Variants in ZBTB7B observed in about 807,000 individuals in gnomAD.
ZBTB7B encodes zinc finger and BTB domain containing 7B.
In ZBTB7B, 8 loss-of-function variants were observed where a neutral mutation model predicts 31.0. The ratio of observed to expected loss-of-function variants is 0.26; its 90% confidence interval spans 0.15 to 0.47. The LOEUF (loss-of-function observed/expected upper bound fraction) is 0.47, where lower values mean the gene tolerates loss of function less well. Ranked by LOEUF, ZBTB7B falls within the 20% of genes least tolerant of loss-of-function variation. The pLI is 0.99. For synonymous variants in ZBTB7B, 261 were observed against 307.3 expected (o/e 0.85, Z 1.58); for missense variants, 494 against 742.4 (o/e 0.67, Z 3.89).
At chr1:155,007,736 G>A (rs1021801910) in intron 1 of ZBTB7B, among the ~76,000 whole-genome samples, 13 of 152,278 alleles carry the variant, frequency 8.5e-5, no homozygotes, top group Non-Finnish European at 1.6e-4. Flanking sequence ...GGAGCAGGGG[G>A]GTAGGAGGGA....
intron 1 of ZBTB7B, among the ~76,000 whole-genome samples, chr1:155,008,367 G>T (rs960987096): frequency 3.3e-5 from 5 of 152,208 alleles, no homozygotes; most frequent in African/African-American, 1.2e-4. Flanking sequence ...CCAGTACAGG[G>T]TAGGGAGAAT....
chr1:155,015,900 A>C, intron 2 of ZBTB7B, 86 bp downstream of exon 2: 1 of 1,483,220 alleles, frequency 6.7e-7, no homozygotes, highest in Non-Finnish European at 9.1e-7. Flanking sequence ...AGGAGACCCG[A>C]GGTGGTGGTA....
At position 155,015,324 on chromosome 1, in the gene ZBTB7B, G is replaced by C; in HGVS notation, c.664G>C (p.Glu222Gln). 6.2e-7 allele frequency: 1 copy of C among 1,605,036 alleles called. No individual in the cohort carries two copies. The highest frequency in any genetic ancestry group is 8.5e-7 in the Non-Finnish European group (1 of 1,174,012). ...GGCCAGAGCAAACCACCTAGTCCCT[G>C]AGGTGCCCACAGTGCCCGCCCATCC... Reference protein sequence around the residue: ...KGARANHLVPEVPTVPAHPLT... With the variant: ...KGARANHLVPQVPTVPAHPLT... Residue 222 changes from glutamate to glutamine, a missense_variant, in exon 2 of 3, where the codon GAG becomes CAG. This residue lies in a region of ZBTB7B where 216 missense variants were observed against 229.3 expected (regional missense o/e 0.94). Coordinates refer to ENST00000535420, the MANE Select transcript of ZBTB7B (RefSeq NM_001256455.2).
chr1:155,015,833 A>T lies in ZBTB7B; in HGVS notation c.1154+19A>T. On this transcript the variant is annotated intron_variant, in intron 2 of 2. Transcript: ENST00000535420. ...TCACCAGGTGAGCAGCAAGGGGGGA[A>T]GGGCCCGGCAGGGGCCATGGGTAGG... The T allele has an allele frequency of 6.2e-7, 1 of 1,600,968 alleles. No individual in the cohort carries two copies. The highest frequency in any genetic ancestry group is 8.5e-7 in the Non-Finnish European group (1 of 1,172,406).
intron 1 of ZBTB7B, among the ~76,000 whole-genome samples, chr1:155,005,215 A>G (rs1658489250): frequency 6.7e-6 from 1 of 148,340 alleles, no homozygotes; most frequent in African/African-American, 2.5e-5. Flanking sequence ...CCCAGCAGGC[A>G]TGGGGGGCGG....
chr1:155,017,157 G>C lies in ZBTB7B; in HGVS notation c.*472G>C, dbSNP rs1659482088. ...TTCCTGGTTTCTGTTCCTTTTTCCT[G>C]GCAGTGAATTATGCAAAGGGGGCCG... On this transcript the variant is annotated 3_prime_UTR_variant, in exon 3 of 3. Transcript: ENST00000535420. The C allele has an allele frequency of 6.4e-6, 1 of 155,546 alleles. No homozygotes were observed. Among genetic ancestry groups the C allele is most frequent in the African/African-American group, 2.4e-5 (1 of 41,456 alleles). 9.6% of individuals were successfully genotyped at this position (155,546 alleles called of 1,614,324 possible). A position where few individuals can be genotyped will look rare whatever the true frequency, so the allele number is the denominator to read the frequency against.
chr1:155,013,790 A>ACCC (rs1346326650), intron 1 of ZBTB7B, among the ~76,000 whole-genome samples: 1 of 145,284 alleles, frequency 6.9e-6, no homozygotes, highest in African/African-American at 2.6e-5. Context: ...GGCAGGAAGC[A>ACCC]CCCGCGCCAG....
chr1:155,011,219 T>C (rs1296541933), intron 1 of ZBTB7B, among the ~76,000 whole-genome samples: 1 of 152,268 alleles, frequency 6.6e-6, no homozygotes, highest in Non-Finnish European at 1.5e-5. Context: ...TTCGGCTGGC[T>C]CAAGCCAGCA....
rs951193007 is a variant in ZBTB7B, at chr1:155,004,072, A to AG, written c.-7+1135dup. Among the ~76,000 whole-genome samples, 3 of 151,712 alleles carry AG rather than the reference A, an allele frequency of 2.0e-5. No individual in the cohort carries two copies. The highest frequency in any genetic ancestry group is 7.3e-5 in the African/African-American group (3 of 41,288). Reference sequence around the variant, plus strand: ...GAGACCTCGGGGCGCCCTGGGGGGCAGGGGGGCGGGGAGCCTGGGTCCGGA... The same window carrying AG: ...GAGACCTCGGGGCGCCCTGGGGGGCAGGGGGGGCGGGGAGCCTGGGTCCGGA... On this transcript the variant is annotated intron_variant, in intron 1 of 2. Coordinates refer to ENST00000535420, the MANE Select transcript of ZBTB7B (RefSeq NM_001256455.2). This position sits in a 1 kb window ranked among gnomAD's most constrained non-coding sequence, Gnocchi z 4.0.
In ZBTB7B at chr1:155,015,235, C is replaced by T. The variant is rs776894961; in HGVS notation, c.575C>T (p.Pro192Leu). The change falls in exon 2 of 3, where the codon CCG becomes CTG. Residue 192 changes from proline to leucine, a missense_variant. Transcript: ENST00000535420. ...PQVPLPPPPP[P>L]PPRPVARRSR... is the part of the protein sequence containing the mutation. ...GTGCCCCTCCCACCACCTCCGCCAC[C>T]GCCACCTCGGCCTGTTGCCCGCCGC... The T allele has an allele frequency of 1.5e-5, 24 of 1,613,644 alleles. No individual in the cohort carries two copies. The highest frequency in any genetic ancestry group is 1.6e-4 in the Middle Eastern group (1 of 6,084).
chr1:155,010,941 C>T, intron 1 of ZBTB7B: 1 of 1,535,904 alleles, frequency 6.5e-7, no homozygotes. Context: ...TGGTCCTCAT[C>T]CTCCCTCACC....
At chr1:155,013,762 C>T (rs1045232473) in intron 1 of ZBTB7B, among the ~76,000 whole-genome samples, 3 of 149,342 alleles carry the variant, frequency 2.0e-5, no homozygotes, top group African/African-American at 7.4e-5. Context: ...GGGGCGGGGG[C>T]GATGCTTATC....
chr1:155,013,716 G>A (rs1285839888), intron 1 of ZBTB7B, among the ~76,000 whole-genome samples: 4 of 151,676 alleles, frequency 2.6e-5, no homozygotes, highest in South Asian at 4.2e-4. Flanking sequence ...GAGGTGGGGG[G>A]TGGGACTGGA....
At chr1:155,009,032 C>G (rs1305325260) in intron 1 of ZBTB7B, among the ~76,000 whole-genome samples, 1 of 152,218 alleles carries the variant, frequency 6.6e-6, no homozygotes, top group Non-Finnish European at 1.5e-5. Flanking sequence ...CCCAGGGGGG[C>G]TTGGAGGCCT....
chr1:155,006,889 T>C (rs1658591135), intron 1 of ZBTB7B, among the ~76,000 whole-genome samples: 2 of 152,182 alleles, frequency 1.3e-5, no homozygotes, highest in African/African-American at 4.8e-5. Flanking sequence ...CCTAGCCCCC[T>C]TGGAGATTCA....
rs1208806838 is a variant in ZBTB7B, at chr1:155,015,672, C to T, written c.1012C>T (p.Arg338Cys). 12 of 1,613,048 alleles carry T rather than the reference C, an allele frequency of 7.4e-6. No individual in the cohort carries two copies. The highest frequency in any genetic ancestry group is 2.2e-5 in the East Asian group (1 of 44,890). ...PGLDSQDKLV[R>C]KRRSQMPQEC... Reference sequence around the variant, plus strand: ...CCTGGACAGCCAAGACAAGCTGGTGCGCAAACGCCGCTCCCAGATGCCTCA... The same window carrying T: ...CCTGGACAGCCAAGACAAGCTGGTGTGCAAACGCCGCTCCCAGATGCCTCA... Residue 338 changes from arginine (R) to cysteine (C), a missense_variant, in exon 2 of 3, where the codon CGC (arginine) becomes TGC (cysteine). This residue lies in a region of ZBTB7B where 61 missense variants were observed against 170.0 expected (regional missense o/e 0.36). Transcript: ENST00000535420.
At chr1:155,008,791 AG>A (rs1475901323) in intron 1 of ZBTB7B, among the ~76,000 whole-genome samples, 1 of 151,078 alleles carries the variant, frequency 6.6e-6, no homozygotes, top group South Asian at 2.1e-4. Context: ...AGCTGGGGGG[AG>A]GGGGGACAGC....
At chr1:155,007,119 C>T (rs1015805602) in intron 1 of ZBTB7B, among the ~76,000 whole-genome samples, 6 of 152,258 alleles carry the variant, frequency 3.9e-5, no homozygotes, top group Non-Finnish European at 7.3e-5. Context: ...TGGGTACCCT[C>T]TGCATCCCCC....
At chr1:155,009,576 G>A (rs534790386) in intron 1 of ZBTB7B, among the ~76,000 whole-genome samples, 12 of 152,200 alleles carry the variant, frequency 7.9e-5, no homozygotes, top group East Asian at 7.7e-4. Flanking sequence ...AAACTCTGAC[G>A]GGCAGAGAGG....
Sources: allele counts gnomAD v4.1 joint callset (sites outside exome capture counted in the v4.1 genomes callset), GRCh38; gene constraint gnomAD v4.1.1; regional missense constraint gnomAD v4.1.1; non-coding constraint Gnocchi (gnomAD v3.1); transcripts MANE v1.5; gene names NCBI Gene and HGNC (gene_info 2026-07-23, HGNC 2026-07-21).